The following CFAP20DC variants were observed in gnomAD, a reference collection of about 807,000 sequenced individuals.
CFAP20DC encodes the protein protein CFAP20DC.
A neutral mutation model predicts 101.7 loss-of-function variants in CFAP20DC; 84 were observed. That is an observed-to-expected ratio of 0.83 (90% CI 0.69 to 0.99). CFAP20DC has a LOEUF of 0.99. CFAP20DC is among the 50% of genes least tolerant of loss of function. CFAP20DC has a pLI of 0.00. For missense variants in CFAP20DC, 1,007 were observed against 970.3 expected (o/e 1.04, Z -0.50); for synonymous variants, 359 against 351.2 (o/e 1.02, Z -0.25).
rs138360845 is a variant in CFAP20DC at position 58,922,221 on chromosome 3, A to G, written c.394-8357T>C. Among the ~76,000 whole-genome samples, 29 of 152,310 alleles carry G rather than the reference A, an allele frequency of 1.9e-4. No homozygotes were observed. The East Asian group carries it at 5.2e-3, about 27-fold the overall frequency. ...AATGACTTTGATACGTTTGAGTTGA[A>G]GGCTACCATCTTGCTCTTTGTTTTC... On this transcript the variant is annotated intron_variant, in intron 5 of 16. Transcript: ENST00000482387.
downstream of CFAP20DC, among the ~76,000 whole-genome samples, chr3:58,716,538 G>A (rs1397942098): frequency 6.6e-6 from 1 of 152,162 alleles, no homozygotes; most frequent in Non-Finnish European, 1.5e-5. Flanking sequence ...GCCTGTTCAA[G>A]TATTCAGTTT....
chr3:58,910,969 GT>G (rs1452733752), intron 6 of CFAP20DC, among the ~76,000 whole-genome samples: 1 of 152,060 alleles, frequency 6.6e-6, no homozygotes, highest in Non-Finnish European at 1.5e-5. Context: ...AAATATTGGA[GT>G]TGTGAGCTAA....
At chr3:59,039,104 T>TA (rs1339938451) in intron 4 of CFAP20DC, among the ~76,000 whole-genome samples, 2 of 152,104 alleles carry the variant, frequency 1.3e-5, no homozygotes, top group Non-Finnish European at 2.9e-5. Context: ...TTAAAACAAA[T>TA]ATATTGCTAG....
intron 5 of CFAP20DC, among the ~76,000 whole-genome samples, chr3:58,932,043 T>C (rs2086779457): frequency 6.6e-6 from 1 of 152,094 alleles, no homozygotes; most frequent in African/African-American, 2.4e-5. Context: ...TAGACGAATG[T>C]ATAACTAGAA....
rs2079828731 is a variant in CFAP20DC at position 58,867,905 on chromosome 3, G to A, written c.1047C>T (p.Pro349=). 3.7e-6 allele frequency: 6 copies of A among 1,612,524 alleles called. No homozygotes were observed. In the East Asian group the frequency reaches 1.1e-4, roughly 30 times the overall value. ...TCTTATCTGCTGATGGTTCTTGAGG[G>A]GGATGCGGATGCATAATATGTAGAT... The part of the protein sequence containing the change: ...AANLHIMHPH[P]PQEPSADKNN... The change falls in exon 10 of 17, where the codon CCC becomes CCT. Residue 349 remains proline (P), a synonymous_variant. Coordinates refer to ENST00000482387, the MANE Select transcript of CFAP20DC (RefSeq NM_001394063.1).
rs368185821 is a variant in CFAP20DC at position 58,855,411 on chromosome 3, C to T, written c.1594-6002G>A. ...CTGGGACTGTAAACTAGTTCAACCA[C>T]TGTGGAAGTCAGTGTGGCGATTCCT... On this transcript the variant is annotated intron_variant, in intron 12 of 16. Coordinates refer to ENST00000482387, the MANE Select transcript of CFAP20DC (RefSeq NM_001394063.1). 1.3e-4 allele frequency among the ~76,000 whole-genome samples: 20 copies of T among 152,194 alleles called. No individual in the cohort carries two copies. In the East Asian group the frequency reaches 1.4e-3, roughly 10 times the overall value.
intron 3 of CFAP20DC, among the ~76,000 whole-genome samples, chr3:58,719,205 T>C (rs1255414012): frequency 6.6e-6 from 1 of 152,220 alleles, no homozygotes; most frequent in Non-Finnish European, 1.5e-5. Flanking sequence ...ATTGTGCCAC[T>C]GTACTCCAGC....
chr3:58,886,030 T>G (rs571274846), intron 6 of CFAP20DC, among the ~76,000 whole-genome samples: 75 of 152,286 alleles, frequency 4.9e-4, no homozygotes, highest in African/African-American at 1.5e-3. Flanking sequence ...ACCTCTTTTA[T>G]AGTAAATATA....
Position 58,806,402 on chromosome 3 carries a change from T to C in CFAP20DC, c.2230A>G (p.Asn744Asp). Reference protein sequence around the residue: ...QKEMNPPSPSNPRDWLNMLSP... With the variant: ...QKEMNPPSPSDPRDWLNMLSP... ...ATTATTAATGATTCTTACCGGGGAT[T>C]AGAAGGAGAAGGTGGGTTCATTTCT... The change falls in exon 15 of 17, where the codon AAT (asparagine) becomes GAT (aspartate). Residue 744 changes from asparagine (N) to aspartate (D), a missense_variant. By Grantham distance (23) the Asn-to-Asp change is conservative. Transcript: ENST00000482387. The C allele has an allele frequency of 2.5e-6, 4 of 1,597,606 alleles. No homozygotes were observed. The highest frequency in any genetic ancestry group is 2.6e-6 in the Non-Finnish European group (3 of 1,165,006).
intron 15 of CFAP20DC, among the ~76,000 whole-genome samples, chr3:58,770,383 G>A (rs1233703123): frequency 1.3e-5 from 2 of 152,144 alleles, no homozygotes; most frequent in African/African-American, 2.4e-5. Context: ...CATGGTTCCC[G>A]CCTTTGAGGA....
At position 59,032,083 on chromosome 3, in the gene CFAP20DC, A is replaced by C. The variant is rs146026392; in HGVS notation, c.278+7474T>G. ...AGGGTAGGGTGTCACCTCACCTGGGAAGCACAAGGGTTCGGGGAACTCCTT... is the reference window on the plus strand; with the variant it reads ...AGGGTAGGGTGTCACCTCACCTGGGCAGCACAAGGGTTCGGGGAACTCCTT... On this transcript the variant is annotated intron_variant, in intron 4 of 16. Transcript: ENST00000482387. Among the ~76,000 whole-genome samples, 38 of 152,252 alleles carry C rather than the reference A, an allele frequency of 2.5e-4. No individual in the cohort carries two copies. In the Middle Eastern group the frequency reaches 0.01, roughly 41 times the overall value.
At chr3:58,744,223 T>C (rs751270500) in intron 16 of CFAP20DC, among the ~76,000 whole-genome samples, 1 of 152,186 alleles carries the variant, frequency 6.6e-6, no homozygotes, top group Non-Finnish European at 1.5e-5. Flanking sequence ...GCCCATTTTA[T>C]AGATGAGGAA....
intron 5 of CFAP20DC, among the ~76,000 whole-genome samples, chr3:58,926,527 C>G (rs1389474765): frequency 6.6e-6 from 1 of 152,074 alleles, no homozygotes; most frequent in Non-Finnish European, 1.5e-5. Context: ...GTATTTTGTA[C>G]GTATTTCTAA....
At chr3:58,867,659 C>A (rs548851952) in intron 10 of CFAP20DC, among the ~76,000 whole-genome samples, 158 bp downstream of exon 10, 2 of 152,220 alleles carry the variant, frequency 1.3e-5, no homozygotes, top group African/African-American at 2.4e-5. Flanking sequence ...TAGAGCAATT[C>A]TTTTGCAGAA....
chr3:58,975,233 C>G (rs543666791), intron 4 of CFAP20DC, among the ~76,000 whole-genome samples: 1 of 152,142 alleles, frequency 6.6e-6, no homozygotes, highest in East Asian at 1.9e-4. Flanking sequence ...ATCACCTTAT[C>G]TAAGTAGGTA....
In CFAP20DC at chr3:58,831,797, C is replaced by T; in HGVS notation, c.2064G>A (p.Leu688=). The part of the protein sequence containing the change: ...ASLRWQQNEE[L]EDAGTSHGLS... ...GGCCATGGGAGGTCCCAGCATCCTC[C>T]AGTTCTTCATTTTGTTGCCACCGTA... Residue 688 remains leucine, a synonymous_variant, in exon 14 of 17, where the codon CTG becomes CTA. Coordinates refer to ENST00000482387, the MANE Select transcript of CFAP20DC (RefSeq NM_001394063.1). The T allele has an allele frequency of 6.2e-7, 1 of 1,614,102 alleles. No homozygotes were observed. Among genetic ancestry groups the T allele is most frequent in the East Asian group, 2.2e-5 (1 of 44,878 alleles).
intron 4 of CFAP20DC, among the ~76,000 whole-genome samples, chr3:58,958,103 T>C (rs1403168347): frequency 6.6e-6 from 1 of 152,114 alleles, no homozygotes; most frequent in African/African-American, 2.4e-5. Flanking sequence ...ACATCTCAGG[T>C]ACACCATAAA....
At chr3:59,009,376 C>T (rs916390270) in intron 4 of CFAP20DC, among the ~76,000 whole-genome samples, 30 of 151,776 alleles carry the variant, frequency 2.0e-4, no homozygotes, top group African/African-American at 6.5e-4. Context: ...TATTAAGCTA[C>T]TCAAGGAGAT....
intron 4 of CFAP20DC, among the ~76,000 whole-genome samples, chr3:59,023,946 T>C (rs1465581667): frequency 6.6e-6 from 1 of 152,096 alleles, no homozygotes; most frequent in Non-Finnish European, 1.5e-5. Flanking sequence ...CATCCCAAAA[T>C]GTACATAAGA....
Sources: allele counts gnomAD v4.1 joint callset (sites outside exome capture counted in the v4.1 genomes callset), GRCh38; gene constraint gnomAD v4.1.1; transcripts MANE v1.5; gene names NCBI Gene and HGNC (gene_info 2026-07-23, HGNC 2026-07-21).